The following MTSS1 variants were observed in gnomAD, a reference collection of about 807,000 sequenced individuals.
The protein encoded by MTSS1 is protein MTSS 1.
MTSS1 carries 18 observed loss-of-function variants against 79.0 expected under a neutral mutation model. The observed-to-expected ratio is 0.23, with a 90% confidence interval of 0.16 to 0.34. The LOEUF (loss-of-function observed/expected upper bound fraction) is 0.34, where lower values mean the gene tolerates loss of function less well. Among genes scored for constraint, MTSS1 ranks in the 10% least tolerant of loss-of-function variants. The probability of loss-of-function intolerance (pLI) is 1.00; values close to 1 mark genes in which losing one functional copy is unlikely to be tolerated. For synonymous variants in MTSS1, 341 were observed against 368.6 expected, an observed-to-expected ratio of 0.93 and a Z score of 0.86; for missense variants, 815 against 986.2, an observed-to-expected ratio of 0.83 and a Z score of 2.33.
intron 1 of MTSS1, among the ~76,000 whole-genome samples, chr8:124,708,809 C>G (rs1830740350): frequency 6.6e-6 from 1 of 151,842 alleles, no homozygotes; most frequent in Non-Finnish European, 1.5e-5. Context: ...CTTAATGACA[C>G]TTGACAGTCT....
chr8:124,615,070 C>G (rs1343708068), intron 3 of MTSS1, among the ~76,000 whole-genome samples: 1 of 152,104 alleles, frequency 6.6e-6, no homozygotes, highest in African/African-American at 2.4e-5. Flanking sequence ...CAGAAGAGCA[C>G]GTGCAAAAAA....
intron 6 of MTSS1, among the ~76,000 whole-genome samples, chr8:124,569,638 ACTT>A (rs1409939172): frequency 3.3e-5 from 5 of 152,146 alleles, no homozygotes; most frequent in African/African-American, 1.2e-4. Flanking sequence ...TACTTCCTAA[ACTT>A]CTTCAGGGCA....
rs1347012111 is a variant in MTSS1, at chr8:124,553,734, G to A, written c.1568-42C>T. 3 of 1,537,734 alleles carry A rather than the reference G, an allele frequency of 2.0e-6. No individual in the cohort carries two copies. The highest frequency in any genetic ancestry group is 2.5e-5 in the South Asian group (2 of 81,248). On this transcript the variant is annotated intron_variant, in intron 13 of 13. Transcript: ENST00000518547. The surrounding 1 kb of genome is among the most constrained non-coding windows in gnomAD (Gnocchi z 6.0). ...ATTAGACATATTCAAGACAGCAGCT[G>A]TGCTTTTTTGATTCTTCTGGGCTGG...
At chr8:124,687,388 G>C (rs1827157283) in intron 3 of MTSS1, among the ~76,000 whole-genome samples, 1 of 152,072 alleles carries the variant, frequency 6.6e-6, no homozygotes, top group African/African-American at 2.4e-5. Flanking sequence ...TTGCACTTGG[G>C]CTTAAATCGT....
At chr8:124,586,776 A>G (rs1341195209) in intron 5 of MTSS1, among the ~76,000 whole-genome samples, 1 of 152,184 alleles carries the variant, frequency 6.6e-6, no homozygotes, top group Non-Finnish European at 1.5e-5. Context: ...ATGGGTCTCA[A>G]TTCACATTCA....
Position 124,597,996 on chromosome 8 carries a change from A to G in MTSS1, c.209-6761T>C, listed in dbSNP as rs1833060185. Among the ~76,000 whole-genome samples the G allele has an allele frequency of 6.6e-6, 1 of 152,178 alleles. No individual in the cohort carries two copies. The highest frequency in any genetic ancestry group is 1.5e-5 in the Non-Finnish European group (1 of 68,026). On this transcript the variant is annotated intron_variant, in intron 3 of 13. Transcript: ENST00000518547. This position sits in a 1 kb window ranked among gnomAD's most constrained non-coding sequence, Gnocchi z 4.6. ...TTATCAATAATGACCATTTTGGGCC[A>G]GGCATGATGGCCATGCCTATAATCC...
intron 3 of MTSS1, among the ~76,000 whole-genome samples, chr8:124,649,454 C>T (rs185527382): frequency 2.6e-5 from 4 of 152,248 alleles, no homozygotes; most frequent in East Asian, 1.9e-4. Flanking sequence ...GACCAGCTTT[C>T]GTGACAATCA....
intron 3 of MTSS1, among the ~76,000 whole-genome samples, chr8:124,673,819 T>G (rs1824757495): frequency 6.6e-6 from 1 of 152,200 alleles, no homozygotes. Context: ...CCATATTTCA[T>G]GGAACCAACA....
chr8:124,704,287 CTGTG>C, intron 1 of MTSS1, 96 bp from the exon 2 acceptor site: 1 of 1,060,906 alleles, frequency 9.4e-7, no homozygotes, highest in Non-Finnish European at 1.5e-6. Flanking sequence ...AGGGAACAAT[CTGTG>C]TATGTTCTCT....
chr8:124,582,464 G>A lies in MTSS1; in HGVS notation c.460+2623C>T, dbSNP rs1830208952. ...GTAAAACCATGCTTACATGCACAAAGGCACTTGAAATGCTAAAAGGAGAGT... is the reference window on the plus strand; with the variant it reads ...GTAAAACCATGCTTACATGCACAAAAGCACTTGAAATGCTAAAAGGAGAGT... On this transcript the variant is annotated intron_variant, in intron 6 of 13. Transcript: ENST00000518547. The surrounding 1 kb of genome is among the most constrained non-coding windows in gnomAD (Gnocchi z 4.8). 2.0e-5 allele frequency among the ~76,000 whole-genome samples: 3 copies of A among 152,086 alleles called. No homozygotes were observed. In the South Asian group the frequency reaches 6.2e-4, roughly 32 times the overall value.
At chr8:124,607,143 GCTCGTAATATTTGCT>G (rs1835016891) in intron 3 of MTSS1, among the ~76,000 whole-genome samples, 1 of 152,200 alleles carries the variant, frequency 6.6e-6, no homozygotes, top group Non-Finnish European at 1.5e-5. Flanking sequence ...CGCGTTCTAC[GCTCGTAATATTTGCT>G]CTTCCTCGAT....
At chr8:124,585,955 G>T (rs2132550343) in intron 5 of MTSS1, among the ~76,000 whole-genome samples, 1 of 152,270 alleles carries the variant, frequency 6.6e-6, no homozygotes, top group Non-Finnish European at 1.5e-5. Flanking sequence ...AGAAGAACCA[G>T]CTGCCTTACT....
chr8:124,646,021 A>C (rs1477708385), intron 3 of MTSS1, among the ~76,000 whole-genome samples: 4 of 152,232 alleles, frequency 2.6e-5, no homozygotes, highest in African/African-American at 7.2e-5. Context: ...AAAAGTATGT[A>C]AAATAAAACA....
intron 6 of MTSS1, among the ~76,000 whole-genome samples, chr8:124,581,178 G>A (rs560106318): frequency 5.3e-5 from 8 of 152,006 alleles, no homozygotes; most frequent in African/African-American, 1.9e-4. Flanking sequence ...TCCCTGCTGG[G>A]CGCAGTGGTG....
chr8:124,605,704 A>G (rs1256480946), intron 3 of MTSS1, among the ~76,000 whole-genome samples: 5 of 151,804 alleles, frequency 3.3e-5, no homozygotes, highest in African/African-American at 7.3e-5. Context: ...TAGCACCTAA[A>G]ATCAGGTTTC....
intron 2 of MTSS1, among the ~76,000 whole-genome samples, chr8:124,703,736 G>A (rs753331823): frequency 1.3e-5 from 2 of 152,204 alleles, no homozygotes; most frequent in Non-Finnish European, 2.9e-5. Context: ...TAACTTCGCT[G>A]TGCCTCAGTT....
rs558420420 is a variant in MTSS1, at chr8:124,562,051, A to C, written c.1035+731T>G. Reference sequence around the variant, plus strand: ...CACCCAGCATTCTGTATGTAGAGCTACTTGCCAAGTTCAAGGCCGACACCA... The same window carrying C: ...CACCCAGCATTCTGTATGTAGAGCTCCTTGCCAAGTTCAAGGCCGACACCA... On this transcript the variant is annotated intron_variant, in intron 10 of 13. Coordinates refer to ENST00000518547, the MANE Select transcript of MTSS1 (RefSeq NM_014751.6). Among the ~76,000 whole-genome samples, 11 of 152,276 alleles carry C rather than the reference A, an allele frequency of 7.2e-5. No homozygotes were observed. In the South Asian group the frequency reaches 2.1e-3, roughly 29 times the overall value.
chr8:124,675,886 C>T (rs1825203916), intron 3 of MTSS1, among the ~76,000 whole-genome samples: 1 of 152,204 alleles, frequency 6.6e-6, no homozygotes, highest in Admixed American at 6.5e-5. Context: ...ATCCATTCAT[C>T]CAGTAATGGG....
chr8:124,709,221 G>A (rs915101043), intron 1 of MTSS1, among the ~76,000 whole-genome samples: 2 of 152,138 alleles, frequency 1.3e-5, no homozygotes, highest in Admixed American at 1.3e-4. Context: ...GACACTGGAA[G>A]CTCTTAGAGC....
Sources: allele counts gnomAD v4.1 joint callset (sites outside exome capture counted in the v4.1 genomes callset), GRCh38; gene constraint gnomAD v4.1.1; non-coding constraint Gnocchi (gnomAD v3.1); transcripts MANE v1.5; gene names NCBI Gene and HGNC (gene_info 2026-07-23, HGNC 2026-07-21).